Variants in TCF12 observed in about 807,000 individuals in gnomAD.
TCF12 encodes transcription factor 12, also known as DNA-binding protein HTF4.
TCF12 carries 45 observed loss-of-function variants against 86.0 expected under a neutral mutation model. The ratio of observed to expected loss-of-function variants is 0.52; its 90% CI spans 0.41 to 0.67. The LOEUF is 0.67. Ranked by LOEUF, TCF12 falls within the 30% of genes least tolerant of loss-of-function variation. TCF12 has a pLI of 0.00. For missense variants in TCF12, 881 were observed against 859.9 expected, an observed-to-expected ratio of 1.02 and a Z score of -0.31; for synonymous variants, 330 against 299.6, an observed-to-expected ratio of 1.10 and a Z score of -1.05.
intron 8 of TCF12, among the ~76,000 whole-genome samples, chr15:57,214,672 A>G (rs1192475863): frequency 6.6e-6 from 1 of 152,130 alleles, no homozygotes; most frequent in Non-Finnish European, 1.5e-5. Context: ...TGAGAAGTGT[A>G]TATTTATATG....
At chr15:57,007,552 G>A (rs1210089120) in intron 3 of TCF12, among the ~76,000 whole-genome samples, 5 of 152,126 alleles carry the variant, frequency 3.3e-5, no homozygotes, top group East Asian at 1.9e-4. Flanking sequence ...GTTAATATTG[G>A]ACAAGTCACT....
intron 7 of TCF12, among the ~76,000 whole-genome samples, chr15:57,196,187 G>A (rs1419237215): frequency 1.3e-5 from 2 of 151,758 alleles, no homozygotes; most frequent in African/African-American, 4.8e-5. Context: ...AATGTAATGG[G>A]TGATTGCATC....
chr15:57,096,217 A>G (rs2049311411), intron 5 of TCF12, among the ~76,000 whole-genome samples: 1 of 152,190 alleles, frequency 6.6e-6, no homozygotes. Flanking sequence ...TCCCTCTTAG[A>G]AATTCAGATT....
intron 3 of TCF12, among the ~76,000 whole-genome samples, chr15:56,982,790 C>T (rs1328249583): frequency 1.3e-5 from 2 of 152,188 alleles, no homozygotes; most frequent in African/African-American, 4.8e-5. Flanking sequence ...AGTTGCTCAT[C>T]TAATTCAAAA....
intron 3 of TCF12, among the ~76,000 whole-genome samples, chr15:56,966,144 G>T (rs1407540742): frequency 6.6e-6 from 1 of 152,022 alleles, no homozygotes; most frequent in Non-Finnish European, 1.5e-5. Context: ...GTAGCATTTT[G>T]TTTCCTTATT....
chr15:56,922,551 C>T (rs1416683920), intron 3 of TCF12, among the ~76,000 whole-genome samples: 3 of 151,914 alleles, frequency 2.0e-5, no homozygotes, highest in African/African-American at 7.2e-5. Context: ...GACTTCAGTA[C>T]GTTGCATTGC....
chr15:57,259,041 T>C (rs1410870146), intron 16 of TCF12, among the ~76,000 whole-genome samples: 4 of 152,188 alleles, frequency 2.6e-5, no homozygotes, highest in Non-Finnish European at 5.9e-5. Flanking sequence ...AACCACTTTT[T>C]TGCTTTCTGC....
downstream of TCF12, chr15:57,291,137 G>A (rs1357678222): frequency 6.6e-6 from 1 of 152,022 alleles, no homozygotes; most frequent in East Asian, 1.9e-4. Context: ...TCATTTCTCC[G>A]TGTCTGTTGG....
chr15:57,133,513 G>A (rs1478437500), intron 5 of TCF12, among the ~76,000 whole-genome samples: 1 of 152,124 alleles, frequency 6.6e-6, no homozygotes, highest in Admixed American at 6.5e-5. Context: ...GTTTGTGCCC[G>A]ATAGACTGTG....
intron 18 of TCF12, among the ~76,000 whole-genome samples, chr15:57,265,941 T>C (rs2152071983): frequency 6.6e-6 from 1 of 152,326 alleles, no homozygotes; most frequent in Non-Finnish European, 1.5e-5. Flanking sequence ...CTGTCATGTA[T>C]GTAGTCCCTC....
chr15:57,118,145 A>G (rs954451632), intron 5 of TCF12, among the ~76,000 whole-genome samples: 5 of 152,220 alleles, frequency 3.3e-5, no homozygotes. Context: ...TGTTGATTAT[A>G]ACACTGCCTT....
intron 3 of TCF12, among the ~76,000 whole-genome samples, chr15:57,062,821 G>C (rs1353090526): frequency 6.6e-6 from 1 of 152,144 alleles, no homozygotes; most frequent in African/African-American, 2.4e-5. Flanking sequence ...ATGAAAGAAA[G>C]AAGTCAACTA....
rs140840580 is a variant in TCF12 at position 56,955,553 on chromosome 15, AAAAT to A, written c.148+34467_148+34470del. ...GTACCCTAGAACCTAAAGTATAATA[AAAAT>A]AAATAAATAAAAATAAAAAAAAGCA... On this transcript the variant is annotated intron_variant, in intron 3 of 20. Transcript: ENST00000333725. 8.0e-3 allele frequency among the ~76,000 whole-genome samples: 1,214 copies of A among 152,254 alleles called. 12 individuals are homozygous for A. The highest frequency in any genetic ancestry group is 0.028 in the African/African-American group (1,143 of 41,540).
At chr15:57,171,186 T>G (rs1840643870) in intron 6 of TCF12, among the ~76,000 whole-genome samples, 1 of 151,866 alleles carries the variant, frequency 6.6e-6, no homozygotes, top group Non-Finnish European at 1.5e-5. Flanking sequence ...AATAACAATA[T>G]TGCTATATAC....
intron 18 of TCF12, among the ~76,000 whole-genome samples, chr15:57,264,477 A>G (rs1238383702): frequency 1.3e-5 from 2 of 151,894 alleles, no homozygotes; most frequent in East Asian, 1.9e-4. Flanking sequence ...CTGGGATTAC[A>G]GGCATGAGCC....
intron 4 of TCF12, among the ~76,000 whole-genome samples, chr15:57,064,801 A>AAAAAAAAAAAAAAC: frequency 7.0e-6 from 1 of 141,864 alleles, no homozygotes; most frequent in East Asian, 2.0e-4. Flanking sequence ...ATCTCAAAAA[A>AAAAAAAAAAAAAAC]AAAAAAAAAA....
chr15:57,223,389 A>G (rs1027328011), intron 8 of TCF12, among the ~76,000 whole-genome samples: 1 of 152,016 alleles, frequency 6.6e-6, no homozygotes, highest in Non-Finnish European at 1.5e-5. Context: ...AAATACATAT[A>G]TATACTACAT....
At chr15:57,191,313 A>C (rs974664579) in intron 6 of TCF12, among the ~76,000 whole-genome samples, 1 of 152,104 alleles carries the variant, frequency 6.6e-6, no homozygotes, top group Non-Finnish European at 1.5e-5. Context: ...AAAACTTAAA[A>C]ATTAGCTGGG....
intron 8 of TCF12, chr15:57,219,227 ATATT>A (rs1343457627): frequency 7.1e-6 from 8 of 1,121,088 alleles, no homozygotes; most frequent in East Asian, 8.5e-5. Flanking sequence ...TATTCAGGGC[ATATT>A]TATTTAGCGC....
Sources: allele counts gnomAD v4.1 joint callset (sites outside exome capture counted in the v4.1 genomes callset), GRCh38; gene constraint gnomAD v4.1.1; transcripts MANE v1.5; gene names NCBI Gene and HGNC (gene_info 2026-07-23, HGNC 2026-07-21).